Variants in CPQ observed in about 807,000 individuals in gnomAD.
The protein encoded by CPQ is Ser-Met dipeptidase.
In CPQ, 37 loss-of-function variants were observed where a neutral mutation model predicts 45.7. The ratio of observed to expected loss-of-function variants is 0.81; its 90% CI spans 0.62 to 1.07. CPQ has a LOEUF of 1.07. CPQ is among the 50% of genes least tolerant of loss of function. The pLI is 0.00. For missense variants in CPQ, 537 were observed against 572.9 expected (o/e 0.94, Z 0.64); for synonymous variants, 186 against 205.8 (o/e 0.90, Z 0.82).
chr8:96,900,250 C>T (rs1162985312), intron 4 of CPQ, among the ~76,000 whole-genome samples: 1 of 152,078 alleles, frequency 6.6e-6, no homozygotes, highest in Non-Finnish European at 1.5e-5. Flanking sequence ...GTTAACAATG[C>T]CCCCACTAAC....
intron 2 of CPQ, among the ~76,000 whole-genome samples, chr8:96,819,215 G>C (rs1332506501): frequency 5.3e-5 from 2 of 37,386 alleles, no homozygotes; most frequent in Non-Finnish European, 8.1e-5. Flanking sequence ...ATATGAGGGA[G>C]CTTCAAAAAG....
chr8:96,987,392 T>C (rs1416027352), intron 5 of CPQ, among the ~76,000 whole-genome samples: 1 of 151,962 alleles, frequency 6.6e-6, no homozygotes, highest in African/African-American at 2.4e-5. Context: ...GCCCTTGGTC[T>C]CCCACAGAAA....
At chr8:96,700,970 G>A (rs1809451226) in intron 1 of CPQ, among the ~76,000 whole-genome samples, 1 of 152,182 alleles carries the variant, frequency 6.6e-6, no homozygotes, top group South Asian at 2.1e-4. Flanking sequence ...AACTGAAAGT[G>A]ATTGGAATTT....
At chr8:96,910,503 T>C (rs1456836896) in intron 4 of CPQ, among the ~76,000 whole-genome samples, 1 of 152,084 alleles carries the variant, frequency 6.6e-6, no homozygotes, top group Non-Finnish European at 1.5e-5. Context: ...TGTTATAATC[T>C]TTTTTTTCTC....
chr8:96,750,687 G>A (rs1350224416), intron 1 of CPQ, among the ~76,000 whole-genome samples: 1 of 151,046 alleles, frequency 6.6e-6, no homozygotes, highest in Non-Finnish European at 1.5e-5. Flanking sequence ...TTGTTACGTA[G>A]GTAAACATGT....
At chr8:96,790,781 A>G (rs1482178785) in intron 2 of CPQ, among the ~76,000 whole-genome samples, 1 of 152,136 alleles carries the variant, frequency 6.6e-6, no homozygotes, top group Non-Finnish European at 1.5e-5. Context: ...CCTTTGCTGT[A>G]TGCCCTTAGG....
At chr8:97,131,981 C>A (rs1412086659) in intron 7 of CPQ, among the ~76,000 whole-genome samples, 1 of 152,160 alleles carries the variant, frequency 6.6e-6, no homozygotes, top group African/African-American at 2.4e-5. Context: ...GGAAACTCAA[C>A]CTTTTTGATT....
At chr8:96,710,024 TTTG>T (rs1409775725) in intron 1 of CPQ, among the ~76,000 whole-genome samples, 1 of 152,022 alleles carries the variant, frequency 6.6e-6, no homozygotes, top group East Asian at 1.9e-4. Flanking sequence ...GGCTTTTTCT[TTTG>T]TTGTTGGCAA....
chr8:97,081,375 G>A (rs1810947532), intron 7 of CPQ, among the ~76,000 whole-genome samples: 1 of 152,022 alleles, frequency 6.6e-6, no homozygotes, highest in African/African-American at 2.4e-5. Flanking sequence ...TTTTCATTTT[G>A]TGCTAGTGTA....
At chr8:96,975,111 A>C (rs530380496) in intron 5 of CPQ, among the ~76,000 whole-genome samples, 22 of 152,286 alleles carry the variant, frequency 1.4e-4, no homozygotes, top group African/African-American at 5.3e-4. Flanking sequence ...GAGATTAACC[A>C]AGAAAAGAAG....
At chr8:96,931,682 C>T (rs983627928) in intron 4 of CPQ, among the ~76,000 whole-genome samples, 9 of 152,270 alleles carry the variant, frequency 5.9e-5, no homozygotes, top group African/African-American at 1.7e-4. Context: ...ATAGTGGAGC[C>T]CAGGGACTAA....
rs545727474 is a variant in CPQ at position 96,798,331 on chromosome 8, C to T, written c.433+13001C>T. ...TTTTTTTAATAAAGATGAGGTCTTA[C>T]TATGTTGCCCAGGCTGGTCTTGAAC... On this transcript the variant is annotated intron_variant, in intron 2 of 7. Coordinates refer to ENST00000220763, the MANE Select transcript of CPQ (RefSeq NM_016134.4). Among the ~76,000 whole-genome samples, 47 of 152,032 alleles carry T rather than the reference C, an allele frequency of 3.1e-4. 1 individual carries two copies. Among genetic ancestry groups the T allele is most frequent in the African/African-American group, 1.1e-3 (45 of 41,502 alleles).
chr8:96,952,998 T>C (rs1013394135), intron 4 of CPQ, among the ~76,000 whole-genome samples: 1 of 152,078 alleles, frequency 6.6e-6, no homozygotes, highest in African/African-American at 2.4e-5. Flanking sequence ...GGAAGGCAAA[T>C]TTTAAGTCAT....
rs118069146 is a variant in CPQ at position 96,800,840 on chromosome 8, G to A, written c.433+15510G>A. 3.6e-3 allele frequency among the ~76,000 whole-genome samples: 546 copies of A among 152,306 alleles called. 1 individual carries two copies. The highest frequency in any genetic ancestry group is 6.1e-3 in the Non-Finnish European group (417 of 68,026). On this transcript the variant is annotated intron_variant, in intron 2 of 7. Transcript: ENST00000220763. ...GAGTTTTCTACTTAGGACATTGTGG[G>A]AGGGAGTGAGAAATGGGGATAAAAG...
intron 7 of CPQ, among the ~76,000 whole-genome samples, chr8:97,126,721 A>C (rs986352744): frequency 6.6e-6 from 1 of 152,160 alleles, no homozygotes; most frequent in Non-Finnish European, 1.5e-5. Context: ...GCAGACTTAA[A>C]TAAATGAAAG....
At chr8:96,670,066 C>T (rs747536354) in intron 1 of CPQ, among the ~76,000 whole-genome samples, 5 of 152,170 alleles carry the variant, frequency 3.3e-5, no homozygotes, top group East Asian at 3.9e-4. Flanking sequence ...CAAAGCTTAT[C>T]GCACACACAT....
intron 3 of CPQ, among the ~76,000 whole-genome samples, chr8:96,860,848 C>T (rs1383880415): frequency 6.6e-6 from 1 of 152,096 alleles, no homozygotes; most frequent in African/African-American, 2.4e-5. Context: ...TAATATCCTG[C>T]CTGTTGTACT....
At chr8:96,977,785 T>A (rs547152257) in intron 5 of CPQ, among the ~76,000 whole-genome samples, 4 of 152,180 alleles carry the variant, frequency 2.6e-5, no homozygotes, top group South Asian at 4.1e-4. Flanking sequence ...AGGATGCAAA[T>A]GCATAAGAAT....
At chr8:96,681,407 A>G (rs1447308432) in intron 1 of CPQ, among the ~76,000 whole-genome samples, 2 of 152,192 alleles carry the variant, frequency 1.3e-5, no homozygotes, top group Non-Finnish European at 2.9e-5. Flanking sequence ...TCGCAGGGTG[A>G]AAGCCCCAAG....
Sources: gnomAD v4.1 joint callset for allele counts (sites outside exome capture counted in the v4.1 genomes callset) on GRCh38, gnomAD v4.1.1 for gene constraint, MANE v1.5 for transcripts, NCBI Gene and HGNC (gene_info 2026-07-23, HGNC 2026-07-21) for gene names.